The following SCAPER variants were observed in gnomAD, a reference collection of about 807,000 sequenced individuals.
SCAPER encodes S-phase cyclin A associated protein in the ER.
A neutral mutation model predicts 182.2 loss-of-function variants in SCAPER; 98 were observed. That is an observed-to-expected ratio of 0.54 (90% CI 0.46 to 0.64). SCAPER has a LOEUF of 0.64. SCAPER is among the 30% of genes least tolerant of loss of function. The pLI is 0.00. For missense variants in SCAPER, 1,432 were observed against 1,690.0 expected, an observed-to-expected ratio of 0.85 and a Z score of 2.68; for synonymous variants, 605 against 564.6, an observed-to-expected ratio of 1.07 and a Z score of -1.01.
chr15:76,823,970 G>T (rs578038181), intron 5 of SCAPER, among the ~76,000 whole-genome samples: 1 of 151,298 alleles, frequency 6.6e-6, no homozygotes, highest in Non-Finnish European at 1.5e-5. Context: ...TCAGAAATTT[G>T]TTGGCAAAGA....
intron 24 of SCAPER, among the ~76,000 whole-genome samples, chr15:76,485,405 AT>A (rs2051530851): frequency 6.6e-6 from 1 of 152,224 alleles, no homozygotes; most frequent in African/African-American, 2.4e-5. Flanking sequence ...AAATGCAAAA[AT>A]ATTCCATGCT....
At position 76,412,317 on chromosome 15, in the gene SCAPER, A is replaced by G. The variant is rs994106359; in HGVS notation, c.3312-7638T>C. ...GTAAGATATTTAACACCAAGAGTTA[A>G]CCTTAATGTAAACTATGGACTTTAG... On this transcript the variant is annotated intron_variant, in intron 26 of 31. Coordinates refer to ENST00000563290, the MANE Select transcript of SCAPER (RefSeq NM_020843.4). 5.8e-4 allele frequency among the ~76,000 whole-genome samples: 88 copies of G among 152,108 alleles called. 2 individuals are homozygous for G. The highest frequency in any genetic ancestry group is 2.6e-4 in the Non-Finnish European group (18 of 67,978).
intron 29 of SCAPER, among the ~76,000 whole-genome samples, chr15:76,367,517 C>T (rs2141810052): frequency 6.6e-6 from 1 of 152,260 alleles, no homozygotes; most frequent in East Asian, 1.9e-4. Flanking sequence ...TTCAAGTGAG[C>T]AAAGGATAAC....
chr15:76,784,311 A>G (rs933117460), intron 8 of SCAPER, among the ~76,000 whole-genome samples: 1 of 152,212 alleles, frequency 6.6e-6, no homozygotes, highest in Admixed American at 6.5e-5. Context: ...TAAAATACCT[A>G]GGAAACCAAC....
At chr15:76,619,169 T>C (rs1053327955) in intron 22 of SCAPER, among the ~76,000 whole-genome samples, 1 of 152,150 alleles carries the variant, frequency 6.6e-6, no homozygotes, top group African/African-American at 2.4e-5. Context: ...ATAAACTAGT[T>C]TGCATTTTCT....
intron 27 of SCAPER, among the ~76,000 whole-genome samples, chr15:76,386,914 T>C (rs2043329619): frequency 6.6e-6 from 1 of 152,236 alleles, no homozygotes; most frequent in Non-Finnish European, 1.5e-5. Flanking sequence ...AGAAGTGATA[T>C]ACTCTGACTT....
intron 27 of SCAPER, among the ~76,000 whole-genome samples, chr15:76,398,939 T>C (rs1322640455): frequency 6.6e-6 from 1 of 152,198 alleles, no homozygotes; most frequent in South Asian, 2.1e-4. Context: ...TAACAGCCCA[T>C]GTTGGTTTCA....
chr15:76,837,269 G>A (rs1012193528), intron 5 of SCAPER, among the ~76,000 whole-genome samples: 1 of 152,084 alleles, frequency 6.6e-6, no homozygotes, highest in South Asian at 2.1e-4. Context: ...CACAGCCAAC[G>A]AGCATATAAA....
At chr15:76,628,362 T>TC (rs2052781380) in intron 21 of SCAPER, among the ~76,000 whole-genome samples, 1 of 152,216 alleles carries the variant, frequency 6.6e-6, no homozygotes, top group Non-Finnish European at 1.5e-5. Flanking sequence ...CGTGCCTATG[T>TC]CCCTAATGGT....
intron 21 of SCAPER, among the ~76,000 whole-genome samples, chr15:76,638,637 T>C (rs2146343789): frequency 6.6e-6 from 1 of 152,346 alleles, no homozygotes; most frequent in East Asian, 1.9e-4. Flanking sequence ...TTTCTATTAA[T>C]GTGGTGAATT....
chr15:76,863,429 C>A (rs2072031808), intron 2 of SCAPER, among the ~76,000 whole-genome samples: 2 of 152,114 alleles, frequency 1.3e-5, no homozygotes, highest in South Asian at 4.1e-4. Flanking sequence ...ATAGTTCTTG[C>A]CAGCCTGGAC....
At chr15:76,604,263 A>T (rs1383294820) in intron 22 of SCAPER, among the ~76,000 whole-genome samples, 2 of 121,032 alleles carry the variant, frequency 1.7e-5, no homozygotes, top group South Asian at 2.6e-4. Context: ...TTTGCCCAGC[A>T]CCATTTATTA....
rs1469468086 is a variant in SCAPER at position 76,621,848 on chromosome 15, T to C, written c.2646-19A>G. Reference sequence around the variant, plus strand: ...CTTAGCCCTGAAGAGAAAAAAAGTTTTAACACAGTTATTTCACTGCTAATT... The same window carrying C: ...CTTAGCCCTGAAGAGAAAAAAAGTTCTAACACAGTTATTTCACTGCTAATT... On this transcript the variant is annotated intron_variant, in intron 21 of 31. Coordinates refer to ENST00000563290, the MANE Select transcript of SCAPER (RefSeq NM_020843.4). The C allele has an allele frequency of 6.4e-7, 1 of 1,559,016 alleles. No individual in the cohort carries two copies. Among genetic ancestry groups the C allele is most frequent in the Admixed American group, 1.8e-5 (1 of 54,144 alleles).
intron 27 of SCAPER, among the ~76,000 whole-genome samples, chr15:76,393,667 T>C (rs1235055198): frequency 6.6e-6 from 1 of 152,228 alleles, no homozygotes; most frequent in Non-Finnish European, 1.5e-5. Flanking sequence ...TTCTCCTTTT[T>C]TTGAAGCTGG....
chr15:76,850,734 C>A (rs1050748758), intron 4 of SCAPER, among the ~76,000 whole-genome samples: 1 of 151,766 alleles, frequency 6.6e-6, no homozygotes, highest in Non-Finnish European at 1.5e-5. Flanking sequence ...ATGGTGGGTA[C>A]CTGTAATCCC....
In SCAPER at chr15:76,602,335, A is replaced by T. The variant is rs532160343; in HGVS notation, c.2711+19429T>A. On this transcript the variant is annotated intron_variant, in intron 22 of 31. Transcript: ENST00000563290. ...AGCAACAATTCCCTCAATTTAGTTT[A>T]TCTGAAAAAGTTTTTATTTCTTCAT... 7.4e-5 allele frequency among the ~76,000 whole-genome samples: 9 copies of T among 121,732 alleles called. 1 individual carries two copies. Among genetic ancestry groups the T allele is most frequent in the African/African-American group, 2.3e-4 (9 of 39,942 alleles). The allele number at this position is 121,732 out of a possible 152,430, so 79.9% of individuals were successfully genotyped here.
intron 27 of SCAPER, among the ~76,000 whole-genome samples, chr15:76,398,631 A>G (rs1269968883): frequency 1.3e-5 from 2 of 152,252 alleles, no homozygotes; most frequent in Admixed American, 1.3e-4. Context: ...AATCATTCTT[A>G]TCTTTTCATG....
chr15:76,360,263 G>A (rs2041305284), intron 29 of SCAPER, among the ~76,000 whole-genome samples: 1 of 152,138 alleles, frequency 6.6e-6, no homozygotes, highest in African/African-American at 2.4e-5. Flanking sequence ...ACCTGTTACT[G>A]GCAGAGATGG....
intron 29 of SCAPER, among the ~76,000 whole-genome samples, chr15:76,372,642 G>A (rs555239906): frequency 7.2e-5 from 11 of 152,170 alleles, no homozygotes; most frequent in Non-Finnish European, 1.6e-4. Flanking sequence ...CAAAAGCGCT[G>A]AACTTTGTCC....
Sources: allele counts gnomAD v4.1 joint callset (sites outside exome capture counted in the v4.1 genomes callset), GRCh38; gene constraint gnomAD v4.1.1; transcripts MANE v1.5; gene names NCBI Gene and HGNC (gene_info 2026-07-23, HGNC 2026-07-21).